CPNE8: variants seen among roughly 807,000 people sequenced by gnomAD.
CPNE8 encodes the protein copine-8.
Under a neutral mutation model 81.5 loss-of-function variants are expected in CPNE8, and 45 were observed. The observed-to-expected ratio is 0.55, with a 90% CI of 0.44 to 0.71. The LOEUF (loss-of-function observed/expected upper bound fraction) is 0.71. Among genes scored for constraint, CPNE8 ranks in the 30% least tolerant of loss-of-function variants. CPNE8 has a pLI of 0.00. For synonymous variants in CPNE8, 252 were observed against 226.3 expected (o/e 1.11, Z -1.02); for missense variants, 594 against 672.1 (o/e 0.88, Z 1.28).
chr12:38,862,178 T>G (rs1271898550), intron 3 of CPNE8, among the ~76,000 whole-genome samples: 1 of 152,008 alleles, frequency 6.6e-6, no homozygotes, highest in South Asian at 2.1e-4. Flanking sequence ...TATAATGAAA[T>G]GCACCATAAG....
chr12:38,857,105 T>G (rs1299494148), intron 3 of CPNE8, among the ~76,000 whole-genome samples: 2 of 152,184 alleles, frequency 1.3e-5, no homozygotes, highest in Non-Finnish European at 2.9e-5. Context: ...CAACCTATAC[T>G]GACAACCTTC....
chr12:38,834,880 C>CT lies in CPNE8; in HGVS notation c.330+5035dup, dbSNP rs1170152007. On this transcript the variant is annotated intron_variant, in intron 5 of 19. Coordinates refer to ENST00000331366, the MANE Select transcript of CPNE8 (RefSeq NM_153634.3). ...CTTTCTGTCACACCAACATTCCAAA[C>CT]TTTTTTTTTTTTTTTGAGATGGAGT... 4.2e-3 allele frequency among the ~76,000 whole-genome samples: 606 copies of CT among 143,446 alleles called. 2 individuals carry two copies. Among genetic ancestry groups the CT allele is most frequent in the Middle Eastern group, 0.011 (3 of 276 alleles). 94.1% of individuals were successfully genotyped at this position (143,446 alleles called of 152,430 possible). A position where few individuals can be genotyped will look rare whatever the true frequency, so the allele number is the denominator to read the frequency against.
chr12:38,698,076 A>T (rs1331614458), intron 14 of CPNE8, among the ~76,000 whole-genome samples: 1 of 152,236 alleles, frequency 6.6e-6, no homozygotes, highest in Non-Finnish European at 1.5e-5. Context: ...AGCACTTGTT[A>T]TTTGACTGTT....
chr12:38,741,914 C>T (rs1441847983), intron 10 of CPNE8, among the ~76,000 whole-genome samples: 2 of 152,172 alleles, frequency 1.3e-5, no homozygotes, highest in African/African-American at 4.8e-5. Context: ...CCAACAGACA[C>T]ATGAAAAAAT....
At chr12:38,898,156 C>A (rs1430244274) in intron 1 of CPNE8, among the ~76,000 whole-genome samples, 1 of 152,148 alleles carries the variant, frequency 6.6e-6, no homozygotes, top group Non-Finnish European at 1.5e-5. Flanking sequence ...GCTATTACCA[C>A]CCTCTCCTGT....
chr12:38,689,219 A>T (rs1419260941), intron 15 of CPNE8, among the ~76,000 whole-genome samples: 1 of 152,232 alleles, frequency 6.6e-6, no homozygotes, highest in African/African-American at 2.4e-5. Flanking sequence ...CTTGTAGAAC[A>T]CATAGAAAAG....
At chr12:38,783,561 A>T (rs1190558629) in intron 6 of CPNE8, among the ~76,000 whole-genome samples, 4 of 152,086 alleles carry the variant, frequency 2.6e-5, no homozygotes, top group Non-Finnish European at 5.9e-5. Context: ...ATGCCCACCC[A>T]CAGAGGGAGC....
intron 16 of CPNE8, among the ~76,000 whole-genome samples, chr12:38,680,667 T>TA (rs1306201960): frequency 2.0e-5 from 3 of 152,140 alleles, no homozygotes; most frequent in East Asian, 3.9e-4. Flanking sequence ...TGTCACCTCT[T>TA]AGAGTTGTTG....
At chr12:38,667,247 A>G (rs138785087) in intron 19 of CPNE8, among the ~76,000 whole-genome samples, 1 of 152,330 alleles carries the variant, frequency 6.6e-6, no homozygotes, top group African/African-American at 2.4e-5. Context: ...ATCTGATAAT[A>G]TTTTAGAGAA....
intron 13 of CPNE8, among the ~76,000 whole-genome samples, chr12:38,718,718 A>G (rs1255478264): frequency 6.6e-6 from 1 of 152,240 alleles, no homozygotes; most frequent in African/African-American, 2.4e-5. Context: ...ATGCTTGCAT[A>G]TCTATACACA....
At chr12:38,906,736 C>CA, upstream of CPNE8, 2 of 420,994 alleles carry the variant, frequency 4.8e-6, no homozygotes, top group Non-Finnish European at 6.4e-6. Flanking sequence ...TTGTTCCCCG[C>CA]GCCTTCCCTC....
intron 16 of CPNE8, 73 bp downstream of exon 16, chr12:38,685,417 T>C (rs1196876964): frequency 2.7e-6 from 4 of 1,499,234 alleles, no homozygotes; most frequent in East Asian, 2.3e-5. Context: ...TGTGGAGTCA[T>C]GCTAGCAACA....
At chr12:38,791,967 T>A (rs1172695133) in intron 6 of CPNE8, among the ~76,000 whole-genome samples, 1 of 150,722 alleles carries the variant, frequency 6.6e-6, no homozygotes, top group Non-Finnish European at 1.5e-5. Flanking sequence ...AATTAACACA[T>A]TTTTCACTTA....
chr12:38,831,659 A>ATTT (rs1943287400), intron 5 of CPNE8, among the ~76,000 whole-genome samples: 1 of 152,264 alleles, frequency 6.6e-6, no homozygotes, highest in Non-Finnish European at 1.5e-5. Context: ...TTTAAATTAA[A>ATTT]CACCTTTCAT....
intron 6 of CPNE8, among the ~76,000 whole-genome samples, chr12:38,796,681 C>T (rs1379833745): frequency 2.0e-5 from 3 of 152,068 alleles, no homozygotes; most frequent in African/African-American, 4.8e-5. Context: ...CTAGGGAGTG[C>T]CACACAGTGG....
At chr12:38,770,349 T>C (rs1941776418) in intron 7 of CPNE8, among the ~76,000 whole-genome samples, 1 of 152,200 alleles carries the variant, frequency 6.6e-6, no homozygotes, top group South Asian at 2.1e-4. Flanking sequence ...TTGCATCATT[T>C]ACCTCTAAAA....
At chr12:38,894,278 A>C (rs1319712106) in intron 1 of CPNE8, among the ~76,000 whole-genome samples, 1 of 152,190 alleles carries the variant, frequency 6.6e-6, no homozygotes, top group African/African-American at 2.4e-5. Flanking sequence ...AGCCATTATA[A>C]GATATGTCTT....
chr12:38,672,107 A>C (rs1484358980), intron 18 of CPNE8, among the ~76,000 whole-genome samples: 1 of 152,146 alleles, frequency 6.6e-6, no homozygotes, highest in African/African-American at 2.4e-5. Context: ...CAATGGTAAC[A>C]CTCAGTGGTC....
intron 16 of CPNE8, 79 bp from the exon 17 acceptor site, chr12:38,677,633 A>T: frequency 1.3e-6 from 1 of 783,390 alleles, no homozygotes; most frequent in Non-Finnish European, 2.2e-6. Context: ...TGGAATAGTT[A>T]ACAAACATTT....
Sources: gnomAD v4.1 joint callset for allele counts (sites outside exome capture counted in the v4.1 genomes callset) on GRCh38, gnomAD v4.1.1 for gene constraint, MANE v1.5 for transcripts, NCBI Gene and HGNC (gene_info 2026-07-23, HGNC 2026-07-21) for gene names.